The following MACROD2 variants were observed in gnomAD, a reference collection of about 807,000 sequenced individuals.
MACROD2 encodes ADP-ribose glycohydrolase MACROD2.
A neutral mutation model predicts 70.4 loss-of-function variants in MACROD2; 36 were observed. The observed-to-expected ratio is 0.51, with a 90% CI of 0.39 to 0.68. MACROD2 has a LOEUF of 0.68. MACROD2 is among the 30% of genes least tolerant of loss of function. The pLI is 0.00. For missense variants in MACROD2, 496 were observed against 538.4 expected (o/e 0.92, Z 0.78); for synonymous variants, 172 against 178.8 (o/e 0.96, Z 0.30).
chr20:15,184,349 A>G (rs2076520652), intron 5 of MACROD2, among the ~76,000 whole-genome samples: 2 of 151,982 alleles, frequency 1.3e-5, no homozygotes. Context: ...TGCTCTGTCC[A>G]CTGCCCCCTG....
chr20:15,629,711 G>A (rs6135468), intron 8 of MACROD2, among the ~76,000 whole-genome samples: 1 of 152,076 alleles, frequency 6.6e-6, no homozygotes, highest in Admixed American at 6.6e-5. Flanking sequence ...ATATTTTGAG[G>A]ATTTTCAGAT....
At chr20:15,163,146 A>G (rs2076359960) in intron 5 of MACROD2, among the ~76,000 whole-genome samples, 1 of 151,986 alleles carries the variant, frequency 6.6e-6, no homozygotes, top group South Asian at 2.1e-4. Flanking sequence ...AGGGTCAGGG[A>G]TAATCAGTGA....
intron 8 of MACROD2, among the ~76,000 whole-genome samples, chr20:15,651,322 T>C (rs889724762): frequency 6.6e-5 from 10 of 152,318 alleles, no homozygotes; most frequent in African/African-American, 2.2e-4. Context: ...CGCAAACTGC[T>C]TTATAGGCAT....
chr20:15,640,894 G>T (rs538039666), intron 8 of MACROD2, among the ~76,000 whole-genome samples: 1 of 152,148 alleles, frequency 6.6e-6, no homozygotes, highest in East Asian at 1.9e-4. Context: ...CTGCTGCCTC[G>T]TCTGCCATCC....
At chr20:14,735,872 A>G (rs2071658031) in intron 5 of MACROD2, among the ~76,000 whole-genome samples, 1 of 152,052 alleles carries the variant, frequency 6.6e-6, no homozygotes, top group Non-Finnish European at 1.5e-5. Flanking sequence ...AAATAACAAT[A>G]AATAAATAAA....
intron 8 of MACROD2, among the ~76,000 whole-genome samples, chr20:15,507,400 CTTCT>C (rs1364291834): frequency 1.3e-5 from 2 of 148,472 alleles, no homozygotes; most frequent in African/African-American, 5.0e-5. Context: ...TCCTTCCTTC[CTTCT>C]TTCTTTCTCT....
chr20:15,793,640 A>G (rs1263075222), intron 8 of MACROD2, among the ~76,000 whole-genome samples: 2 of 151,682 alleles, frequency 1.3e-5, no homozygotes, highest in Non-Finnish European at 2.9e-5. Context: ...TTGGTAATTC[A>G]TTTCCTTAAG....
intron 5 of MACROD2, among the ~76,000 whole-genome samples, chr20:14,809,531 A>G (rs555306179): frequency 2.0e-5 from 3 of 152,140 alleles, no homozygotes; most frequent in Admixed American, 2.0e-4. Flanking sequence ...AGAACTAGAG[A>G]AGCAAGAGCA....
intron 5 of MACROD2, among the ~76,000 whole-genome samples, chr20:14,967,341 T>TGGACGGAGAAGG (rs2074647194): frequency 6.8e-6 from 1 of 146,232 alleles, no homozygotes; most frequent in African/African-American, 2.8e-5. Context: ...TACAGGTATT[T>TGGACGGAGAAGG]TTAGTAGAGA....
At chr20:15,316,390 G>C (rs905506924) in intron 6 of MACROD2, among the ~76,000 whole-genome samples, 1 of 151,878 alleles carries the variant, frequency 6.6e-6, no homozygotes, top group Non-Finnish European at 1.5e-5. Flanking sequence ...AGAAAGCCAG[G>C]GTGGCTCTAC....
chr20:14,873,365 C>T (rs1434905962), intron 5 of MACROD2, among the ~76,000 whole-genome samples: 1 of 152,012 alleles, frequency 6.6e-6, no homozygotes, highest in Non-Finnish European at 1.5e-5. Flanking sequence ...CACTTGGATA[C>T]ATCACTAGGT....
intron 3 of MACROD2, among the ~76,000 whole-genome samples, chr20:14,121,691 T>C (rs2054591139): frequency 6.6e-6 from 1 of 152,226 alleles, no homozygotes; most frequent in African/African-American, 2.4e-5. Context: ...TGAGTATTTT[T>C]GGTTTGTTGG....
intron 7 of MACROD2, among the ~76,000 whole-genome samples, chr20:15,464,044 TTTTG>T (rs770115459): frequency 6.6e-6 from 1 of 152,106 alleles, no homozygotes; most frequent in Non-Finnish European, 1.5e-5. Context: ...AGCTTGTAGT[TTTTG>T]TTTGTTTGTT....
chr20:15,071,997 C>T (rs891081747), intron 5 of MACROD2, among the ~76,000 whole-genome samples: 4 of 152,024 alleles, frequency 2.6e-5, no homozygotes, highest in African/African-American at 2.4e-5. Flanking sequence ...TGTTTTGTAA[C>T]TCAGAAAAAC....
At chr20:14,478,026 A>G (rs1294317950) in intron 3 of MACROD2, among the ~76,000 whole-genome samples, 3 of 152,202 alleles carry the variant, frequency 2.0e-5, no homozygotes, top group Non-Finnish European at 4.4e-5. Context: ...TAGGTACCCT[A>G]GAAAGCAGAC....
intron 6 of MACROD2, among the ~76,000 whole-genome samples, chr20:15,364,323 G>C (rs532410106): frequency 2.4e-4 from 36 of 152,288 alleles, no homozygotes; most frequent in African/African-American, 8.2e-4. Context: ...CATCTGTCCA[G>C]TTTACTACAA....
Position 15,383,356 on chromosome 20 carries a change from C to G in MACROD2, c.541-48049C>G, listed in dbSNP as rs1340412797. The stretch of plus-strand genomic sequence containing the variant: ...GTAAACCAGATGCTGCATTTTCAAT[C>G]CTTACAGCACTGAGAAGATACTGTT... On this transcript the variant is annotated intron_variant, in intron 6 of 17. Transcript: ENST00000684519. Among the ~76,000 whole-genome samples, 3 of 152,268 alleles carry G rather than the reference C, an allele frequency of 2.0e-5. No individual in the cohort carries two copies. The East Asian group carries it at 5.8e-4, about 29-fold the overall frequency.
chr20:14,470,244 A>G (rs2084511888), intron 3 of MACROD2, among the ~76,000 whole-genome samples: 1 of 152,082 alleles, frequency 6.6e-6, no homozygotes, highest in African/African-American at 2.4e-5. Flanking sequence ...TTGCCGGGGT[A>G]TCACCAGCAG....
chr20:16,024,264 C>G (rs892334168), intron 15 of MACROD2, among the ~76,000 whole-genome samples: 1 of 152,148 alleles, frequency 6.6e-6, no homozygotes, highest in Admixed American at 6.5e-5. Flanking sequence ...GTGTGACTAA[C>G]AAGGAAGTGC....
Sources: gnomAD v4.1 joint callset for allele counts (sites outside exome capture counted in the v4.1 genomes callset) on GRCh38, gnomAD v4.1.1 for gene constraint, MANE v1.5 for transcripts, NCBI Gene and HGNC (gene_info 2026-07-23, HGNC 2026-07-21) for gene names.